USP35: variants seen among roughly 807,000 people sequenced by gnomAD.
USP35 encodes ubiquitin carboxyl-terminal hydrolase 35.
A neutral mutation model predicts 83.8 loss-of-function variants in USP35; 69 were observed. The observed-to-expected ratio is 0.82, with a 90% CI of 0.68 to 1.01. The LOEUF (loss-of-function observed/expected upper bound fraction) is 1.01, where lower values mean the gene tolerates loss of function less well. USP35 is among the 50% of genes least tolerant of loss of function. The pLI, the probability that USP35 is intolerant of heterozygous loss-of-function variation, is 0.00. For synonymous variants in USP35, 714 were observed against 589.5 expected, an observed-to-expected ratio of 1.21 and a Z score of -3.06; for missense variants, 1,503 against 1,362.5, an observed-to-expected ratio of 1.10 and a Z score of -1.62.
chr11:78,199,550 T>C lies in USP35; in HGVS notation c.807-45T>C, dbSNP rs774148590. 7 of 1,612,774 alleles carry C rather than the reference T, an allele frequency of 4.3e-6. No homozygotes were observed. The African/African-American group carries it at 8.0e-5, about 18-fold the overall frequency. ...CCCTGGGCTGCCCTCACCCCAGCAT[T>C]TTGGGTGTCCCTTGTCCCTGTGTCA... On this transcript the variant is annotated intron_variant, in intron 3 of 10. Coordinates refer to ENST00000529308, the MANE Select transcript of USP35 (RefSeq NM_020798.4).
chr11:78,211,924 C>A (rs74958227), intron 10 of USP35, among the ~76,000 whole-genome samples: 2 of 152,034 alleles, frequency 1.3e-5, no homozygotes, highest in Non-Finnish European at 2.9e-5. Context: ...CCTTGTACTC[C>A]GCATAAGCTC....
intron 6 of USP35, among the ~76,000 whole-genome samples, chr11:78,203,268 G>A (rs1033166643): frequency 3.3e-5 from 5 of 152,148 alleles, no homozygotes; most frequent in Non-Finnish European, 7.4e-5. Flanking sequence ...ACTGTACGGG[G>A]ACTGAAAAAG....
the USP35 span, among the ~76,000 whole-genome samples, chr11:78,233,277 C>T: frequency 1.4e-4 from 22 of 152,216 alleles, no homozygotes; most frequent in African/African-American, 3.9e-4. Flanking sequence ...TGAAGCAATC[C>T]GCCTGTCTTG....
downstream of USP35, chr11:78,215,694 C>CTCTT (rs1237016680): frequency 6.6e-6 from 1 of 152,348 alleles, no homozygotes; most frequent in East Asian, 1.9e-4. Context: ...CAGCCTGGAT[C>CTCTT]TCTTGGGGAC....
chr11:78,234,746 C>A, the USP35 span, among the ~76,000 whole-genome samples: 2 of 151,900 alleles, frequency 1.3e-5, no homozygotes, highest in African/African-American at 4.8e-5. Context: ...CATAGTTTGA[C>A]AGGAATTCTT....
rs1285389428 is a variant in USP35 at position 78,209,872 on chromosome 11, C to A, written c.2017C>A (p.Gln673Lys). ...DSKEAGGQSS[Q>K]EERIEREEEG... Reference sequence around the variant, plus strand: ...CAAGGAAGCTGGTGGGCAGAGCAGTCAGGAGGAAAGGATAGAGAGGGAGGA... The same window carrying A: ...CAAGGAAGCTGGTGGGCAGAGCAGTAAGGAGGAAAGGATAGAGAGGGAGGA... The change falls in exon 10 of 11, where the codon CAG (glutamine) becomes AAG (lysine). Residue 673 changes from glutamine to lysine, a missense_variant. By Grantham distance (53) the Gln-to-Lys change is moderately conservative. Transcript: ENST00000529308. 1 of 1,608,962 alleles carries A rather than the reference C, an allele frequency of 6.2e-7. No individual in the cohort carries two copies. The highest frequency in any genetic ancestry group is 1.7e-5 in the Admixed American group (1 of 59,142).
At chr11:78,225,836 A>G in the USP35 span, among the ~76,000 whole-genome samples, 1 of 152,266 alleles carries the variant, frequency 6.6e-6, no homozygotes, top group Non-Finnish European at 1.5e-5. Context: ...CTTAAACAAC[A>G]GGATGGACAA....
chr11:78,221,900 A>G, the USP35 span: 3 of 705,862 alleles, frequency 4.3e-6, no homozygotes, highest in Non-Finnish European at 7.5e-6. Flanking sequence ...TGCACACTCC[A>G]TCAGATTAAG....
chr11:78,223,639 T>C, the USP35 span: 7 of 1,611,958 alleles, frequency 4.3e-6, no homozygotes, highest in Admixed American at 1.7e-5. Context: ...GTCTTCAGAA[T>C]TGGTGCTGTC....
chr11:78,196,951 T>C lies in USP35; in HGVS notation c.673+33T>C. Reference sequence around the variant, plus strand: ...TGCGGCCGGGGCAGGAGCGCGGGCATGCGGAGGTCCTGGGTGGGCGCTTGG... The same window carrying C: ...TGCGGCCGGGGCAGGAGCGCGGGCACGCGGAGGTCCTGGGTGGGCGCTTGG... On this transcript the variant is annotated intron_variant, in intron 2 of 10. Coordinates refer to ENST00000529308, the MANE Select transcript of USP35 (RefSeq NM_020798.4). The surrounding 1 kb of genome is among the most constrained non-coding windows in gnomAD (Gnocchi z 4.8). The C allele has an allele frequency of 7.0e-7, 1 of 1,432,554 alleles. No homozygotes were observed. The highest frequency in any genetic ancestry group is 1.5e-5 in the South Asian group (1 of 66,502). 88.7% of individuals were successfully genotyped at this position (1,432,554 alleles called of 1,614,324 possible).
Position 78,209,885 on chromosome 11 carries a change from T to C in USP35, c.2030T>C (p.Ile677Thr), listed in dbSNP as rs374117897. 3 of 1,597,304 alleles carry C rather than the reference T, an allele frequency of 1.9e-6. No individual in the cohort carries two copies. Among genetic ancestry groups the C allele is most frequent in the Non-Finnish European group, 2.6e-6 (3 of 1,173,296 alleles). ...AGGQSSQEER[I>T]EREEEGKEER... ...GGGCAGAGCAGTCAGGAGGAAAGGA[T>C]AGAGAGGGAGGAAGAAGGGAAGGAG... Residue 677 changes from isoleucine (I) to threonine (T), a missense_variant, in exon 10 of 11, where the codon ATA becomes ACA. By Grantham distance (89) the Ile-to-Thr change is moderately conservative (BLOSUM62 -1). Coordinates refer to ENST00000529308, the MANE Select transcript of USP35 (RefSeq NM_020798.4).
At chr11:78,235,413 A>G in the USP35 span, among the ~76,000 whole-genome samples, 1 of 151,892 alleles carries the variant, frequency 6.6e-6, no homozygotes, top group Non-Finnish European at 1.5e-5. Context: ...CAGCCTCCCA[A>G]AGTGCTTGGA....
At chr11:78,213,549 CCTAGAGGAA>C in intron 10 of USP35, 88 bp from the exon 11 acceptor site, 1 of 1,351,482 alleles carries the variant, frequency 7.4e-7, no homozygotes, top group Non-Finnish European at 9.6e-7. Flanking sequence ...GCCCTGGGGA[CCTAGAGGAA>C]ACATTGAAAG....
chr11:78,206,675 T>G lies in USP35; in HGVS notation c.1391+640T>G, dbSNP rs373117226. Among the ~76,000 whole-genome samples the G allele has an allele frequency of 5.3e-5, 8 of 152,330 alleles. No individual in the cohort carries two copies. In the East Asian group the frequency reaches 1.2e-3, roughly 22 times the overall value. ...TTCCAGTCTGCTGCAGAATATTACTTTTGTAAAATATAACAAAACGACTTA... is the reference window on the plus strand; with the variant it reads ...TTCCAGTCTGCTGCAGAATATTACTGTTGTAAAATATAACAAAACGACTTA... On this transcript the variant is annotated intron_variant, in intron 7 of 10. Transcript: ENST00000529308.
chr11:78,219,024 G>A, downstream of USP35: 2 of 484,142 alleles, frequency 4.1e-6, no homozygotes, highest in Non-Finnish European at 7.4e-6. Context: ...CCTAACTAAG[G>A]TGGGTGGAGG....
chr11:78,192,876 T>C (rs1371587398), intron 1 of USP35, among the ~76,000 whole-genome samples: 1 of 152,228 alleles, frequency 6.6e-6, no homozygotes, highest in East Asian at 1.9e-4. Flanking sequence ...ATTCCTAGTC[T>C]GATACTCTTT....
At chr11:78,235,353 C>A in the USP35 span, among the ~76,000 whole-genome samples, 1 of 151,910 alleles carries the variant, frequency 6.6e-6, no homozygotes, top group African/African-American at 2.4e-5. Context: ...GGGGTTTCAC[C>A]GTGTTAGCCA....
intron 6 of USP35, among the ~76,000 whole-genome samples, chr11:78,204,544 C>T (rs1863476651): frequency 1.3e-5 from 2 of 152,106 alleles, no homozygotes; most frequent in South Asian, 4.1e-4. Flanking sequence ...GGAATAATGG[C>T]ATTTGATTTT....
chr11:78,210,971 CAT>C (rs1166790004), intron 10 of USP35, among the ~76,000 whole-genome samples: 2 of 152,280 alleles, frequency 1.3e-5, no homozygotes, highest in Non-Finnish European at 2.9e-5. Flanking sequence ...TTCCAGGGTA[CAT>C]GTGTAGAATG....
Sources: allele counts gnomAD v4.1 joint callset (sites outside exome capture counted in the v4.1 genomes callset), GRCh38; gene constraint gnomAD v4.1.1; non-coding constraint Gnocchi (gnomAD v3.1); transcripts MANE v1.5; gene names NCBI Gene and HGNC (gene_info 2026-07-23, HGNC 2026-07-21).